Variants in LRBA observed in about 807,000 individuals in gnomAD.
The protein encoded by LRBA is lipopolysaccharide-responsive and beige-like anchor protein.
In LRBA, 176 loss-of-function variants were observed where a neutral mutation model predicts 330.0. The observed-to-expected ratio is 0.53, with a 90% confidence interval of 0.47 to 0.60. LRBA has a LOEUF of 0.60. LRBA is among the 20% of genes least tolerant of loss of function. The probability of loss-of-function intolerance (pLI) is 0.00; values close to 1 mark genes in which losing one functional copy is unlikely to be tolerated. For missense variants in LRBA, 3,259 were observed against 3,444.8 expected (o/e 0.95, Z 1.35); for synonymous variants, 1,230 against 1,193.0 (o/e 1.03, Z -0.64).
chr4:150,293,341 C>A (rs73858546), intron 53 of LRBA, among the ~76,000 whole-genome samples: 240 of 152,292 alleles, frequency 1.6e-3, no homozygotes, highest in African/African-American at 5.5e-3. Context: ...CCATTAACTT[C>A]CTAGTTTTAC....
chr4:150,844,627 T>G (rs1749585396), intron 27 of LRBA, 31 bp downstream of exon 27: 1 of 1,571,660 alleles, frequency 6.4e-7, no homozygotes, highest in Non-Finnish European at 8.6e-7. Flanking sequence ...AGGAGTATGC[T>G]TTTTGAAAAT....
intron 40 of LRBA, among the ~76,000 whole-genome samples, chr4:150,496,781 T>C (rs1007264111): frequency 6.6e-6 from 1 of 152,070 alleles, no homozygotes; most frequent in South Asian, 2.1e-4. Flanking sequence ...GTAATATATA[T>C]CAATAACAAT....
intron 44 of LRBA, among the ~76,000 whole-genome samples, chr4:150,437,416 G>A (rs11936496): frequency 0.22 from 32,625 of 150,230 alleles, 4,352 homozygotes; most frequent in Non-Finnish European, 0.3. Flanking sequence ...ATGCCTATAT[G>A]TCTATATAGG....
chr4:150,566,734 A>C (rs1041551200), intron 40 of LRBA, among the ~76,000 whole-genome samples: 10 of 152,108 alleles, frequency 6.6e-5, no homozygotes, highest in African/African-American at 2.4e-4. Flanking sequence ...GACTGTATTT[A>C]GTTATTTAAA....
intron 38 of LRBA, among the ~76,000 whole-genome samples, chr4:150,594,763 G>A (rs28641948): frequency 0.094 from 14,353 of 151,922 alleles, 1,296 homozygotes; most frequent in African/African-American, 0.23. Flanking sequence ...AACAATGAAA[G>A]GCCTAAGAGA....
At chr4:150,840,004 G>A (rs1748820049) in intron 28 of LRBA, among the ~76,000 whole-genome samples, 1 of 152,060 alleles carries the variant, frequency 6.6e-6, no homozygotes. Flanking sequence ...TTCTGTTATG[G>A]AGACAGCTTC....
intron 2 of LRBA, among the ~76,000 whole-genome samples, chr4:151,010,908 C>A (rs1391370782): frequency 6.9e-6 from 1 of 145,678 alleles, no homozygotes; most frequent in East Asian, 2.0e-4. Flanking sequence ...AAAAAAAAGG[C>A]CGGGCACAGT....
At chr4:150,307,395 TA>T (rs1425838844) in intron 52 of LRBA, among the ~76,000 whole-genome samples, 2 of 152,144 alleles carry the variant, frequency 1.3e-5, no homozygotes, top group Non-Finnish European at 2.9e-5. Flanking sequence ...TTTACAGTTC[TA>T]TTAGTTCTAT....
At position 150,831,965 on chromosome 4, in the gene LRBA, T is replaced by A. The variant is rs749240452; in HGVS notation, c.4581A>T (p.Lys1527Asn). 4 of 1,512,026 alleles carry A rather than the reference T, an allele frequency of 2.6e-6. No homozygotes were observed. The highest frequency in any genetic ancestry group is 2.4e-5 in the East Asian group (1 of 42,078). The allele number at this position is 1,512,026 out of a possible 1,614,324, so 93.7% of individuals were successfully genotyped here. ...CTGCCAAGGCTAAAAATTGAGCTTGTTTGCTATCCTCCTGGGAAAAAAAAT... is the reference window on the plus strand; with the variant it reads ...CTGCCAAGGCTAAAAATTGAGCTTGATTGCTATCCTCCTGGGAAAAAAAAT... Reference protein sequence around the residue: ...AVVFRDIEDSKQAQFLALAVV... With the variant: ...AVVFRDIEDSNQAQFLALAVV... Residue 1527 changes from lysine (K) to asparagine (N), a missense_variant, in exon 29 of 57, where the codon AAA becomes AAT. Lys to Asn is a moderately conservative substitution (Grantham distance 94, BLOSUM62 0). Coordinates refer to ENST00000651943, the MANE Select transcript of LRBA (RefSeq NM_001364905.1).
intron 40 of LRBA, among the ~76,000 whole-genome samples, chr4:150,499,369 A>G (rs1270901914): frequency 6.6e-6 from 1 of 152,176 alleles, no homozygotes; most frequent in Non-Finnish European, 1.5e-5. Flanking sequence ...AGGGCCAGGC[A>G]AAGTGGATTA....
chr4:150,290,536 G>C (rs1728144598), intron 53 of LRBA, among the ~76,000 whole-genome samples: 1 of 152,112 alleles, frequency 6.6e-6, no homozygotes, highest in African/African-American at 2.4e-5. Flanking sequence ...TTATCTTGCT[G>C]CTAGTTTAAG....
In LRBA at chr4:150,683,631, G is replaced by A. The variant is rs561058222; in HGVS notation, c.5841C>T (p.His1947=). 2.2e-5 allele frequency: 36 copies of A among 1,612,926 alleles called. No homozygotes were observed. Among genetic ancestry groups the A allele is most frequent in the South Asian group, 1.9e-4 (17 of 91,032 alleles). The change falls in exon 37 of 57, where the codon CAC becomes CAT. Residue 1947 remains histidine, a synonymous_variant. Coordinates refer to ENST00000651943, the MANE Select transcript of LRBA (RefSeq NM_001364905.1). ...TCTGGATTAGTTGAGTTGCTGTCAC[G>A]TGGTCACGATATTTTGCTGCTCTTA... ...HLIRAAKYRD[H]VTATQLIQKI... is the part of the protein sequence containing the mutation.
At position 150,792,777 on chromosome 4, in the gene LRBA, A is replaced by T. The variant is rs566378610; in HGVS notation, c.5580+5304T>A. On this transcript the variant is annotated intron_variant, in intron 34 of 56. Transcript: ENST00000651943. ...CCACCTGGGCTAAATTGTTTTTTTT[A>T]AAAAAAGAGGTCTAGGCTAGGGGCC... Among the ~76,000 whole-genome samples, 12 of 152,032 alleles carry T rather than the reference A, an allele frequency of 7.9e-5. No homozygotes were observed. The South Asian group carries it at 1.0e-3, about 13-fold the overall frequency.
At chr4:150,411,875 G>A (rs1292357142) in intron 47 of LRBA, among the ~76,000 whole-genome samples, 3 of 152,160 alleles carry the variant, frequency 2.0e-5, no homozygotes, top group Non-Finnish European at 4.4e-5. Flanking sequence ...CTGTGGAATT[G>A]AAGTGGTAAA....
chr4:150,833,494 T>C (rs770749180), intron 28 of LRBA, among the ~76,000 whole-genome samples: 110 of 152,196 alleles, frequency 7.2e-4, no homozygotes, highest in Admixed American at 3.3e-3. Flanking sequence ...GCTATCACAA[T>C]AAAGTGAGTC....
intron 55 of LRBA, among the ~76,000 whole-genome samples, chr4:150,280,245 G>T (rs1317532492): frequency 6.6e-6 from 1 of 152,146 alleles, no homozygotes; most frequent in Non-Finnish European, 1.5e-5. Context: ...CATCCAGGTT[G>T]GGTTGTGACT....
chr4:150,715,698 G>A (rs552225495), intron 36 of LRBA, among the ~76,000 whole-genome samples: 2 of 152,308 alleles, frequency 1.3e-5, no homozygotes, highest in East Asian at 1.9e-4. Context: ...TCTTCAAAAT[G>A]TTGGTGAGTT....
At chr4:150,452,841 T>C (rs1004363541) in intron 44 of LRBA, among the ~76,000 whole-genome samples, 4 of 152,166 alleles carry the variant, frequency 2.6e-5, no homozygotes, top group African/African-American at 9.7e-5. Context: ...AAAAGGCTGC[T>C]AGTAATAATA....
intron 40 of LRBA, chr4:150,582,961 A>T: frequency 6.6e-7 from 1 of 1,510,932 alleles, no homozygotes; most frequent in Non-Finnish European, 8.9e-7. Flanking sequence ...GGCCACCACC[A>T]GTGCGTGAGC....
Sources: gnomAD v4.1 joint callset for allele counts (sites outside exome capture counted in the v4.1 genomes callset) on GRCh38, gnomAD v4.1.1 for gene constraint, MANE v1.5 for transcripts, NCBI Gene and HGNC (gene_info 2026-07-23, HGNC 2026-07-21) for gene names.